The following STK32B variants were observed in gnomAD, a reference collection of about 807,000 sequenced individuals.
The protein encoded by STK32B is serine/threonine-protein kinase 32B.
STK32B carries 43 observed loss-of-function variants against 52.6 expected under a neutral mutation model. The observed-to-expected ratio is 0.82, with a 90% CI of 0.64 to 1.05. The LOEUF (loss-of-function observed/expected upper bound fraction) is 1.05. Ranked by LOEUF, STK32B falls within the 50% of genes least tolerant of loss-of-function variation. The probability of loss-of-function intolerance (pLI) is 0.00; values close to 1 mark genes in which losing one functional copy is unlikely to be tolerated. For synonymous variants in STK32B, 238 were observed against 204.3 expected (o/e 1.17, Z -1.41); for missense variants, 621 against 534.6 (o/e 1.16, Z -1.59).
At chr4:5,161,991 A>G (rs1718485340) in intron 2 of STK32B, among the ~76,000 whole-genome samples, 1 of 152,176 alleles carries the variant, frequency 6.6e-6, no homozygotes, top group Admixed American at 6.5e-5. Flanking sequence ...CAGCACAGAG[A>G]AGAACTAGCC....
At chr4:5,370,870 G>A (rs1735180344) in intron 4 of STK32B, among the ~76,000 whole-genome samples, 1 of 151,968 alleles carries the variant, frequency 6.6e-6, no homozygotes, top group Admixed American at 6.6e-5. Flanking sequence ...CTACTCAGGA[G>A]GCTGAGATGG....
chr4:5,475,138 G>A (rs992107814), intron 11 of STK32B, among the ~76,000 whole-genome samples: 1 of 152,126 alleles, frequency 6.6e-6, no homozygotes, highest in Non-Finnish European at 1.5e-5. Context: ...TTTAAAAAGT[G>A]TGGCCAGGCA....
At position 5,386,766 on chromosome 4, in the gene STK32B, G is replaced by A. The variant is rs533449589; in HGVS notation, c.435-11441G>A. Among the ~76,000 whole-genome samples the A allele has an allele frequency of 4.6e-5, 7 of 152,296 alleles. No individual in the cohort carries two copies. The highest frequency in any genetic ancestry group is 7.3e-5 in the Non-Finnish European group (5 of 68,032). The stretch of plus-strand genomic sequence containing the variant: ...CCCTCATCTGGAAAATGACCAGGTC[G>A]TTCCGGGTGGTGGCTGGACCCTCCA... On this transcript the variant is annotated intron_variant, in intron 4 of 11. Transcript: ENST00000282908. This position sits in a 1 kb window ranked among gnomAD's most constrained non-coding sequence, Gnocchi z 4.5.
intron 4 of STK32B, among the ~76,000 whole-genome samples, chr4:5,374,905 C>A (rs1735486365): frequency 6.6e-6 from 1 of 152,194 alleles, no homozygotes; most frequent in Non-Finnish European, 1.5e-5. Flanking sequence ...AATGTCTGTT[C>A]TTTCTTCCCT....
Position 5,143,723 on chromosome 4 carries a change from C to T in STK32B, c.108+3763C>T, listed in dbSNP as rs185608346. ...GGCACTCACACTATCCCTTAGAATT[C>T]CCTCCCTCCAAACTGGCCAGCATGA... On this transcript the variant is annotated intron_variant, in intron 2 of 11. Transcript: ENST00000282908. 5.9e-5 allele frequency among the ~76,000 whole-genome samples: 9 copies of T among 152,252 alleles called. No homozygotes were observed. In the East Asian group the frequency reaches 1.7e-3, roughly 29 times the overall value.
intron 5 of STK32B, among the ~76,000 whole-genome samples, chr4:5,411,096 T>G (rs1711630743): frequency 6.7e-6 from 1 of 150,352 alleles, no homozygotes; most frequent in Admixed American, 6.6e-5. Context: ...AGTGCAGTGG[T>G]GCTATCTCAG....
At chr4:5,267,949 G>T (rs1727161078) in intron 3 of STK32B, among the ~76,000 whole-genome samples, 1 of 152,204 alleles carries the variant, frequency 6.6e-6, no homozygotes, top group Admixed American at 6.5e-5. Context: ...CCGACTCTGA[G>T]AAGGGCTTGC....
chr4:5,040,838 C>T, the STK32B span, among the ~76,000 whole-genome samples: 3 of 152,156 alleles, frequency 2.0e-5, no homozygotes, highest in African/African-American at 4.8e-5. Flanking sequence ...CATGCCCAGG[C>T]TATGTGGTGT....
chr4:5,293,224 C>A (rs569349044), intron 3 of STK32B, among the ~76,000 whole-genome samples: 1 of 152,084 alleles, frequency 6.6e-6, no homozygotes, highest in South Asian at 2.1e-4. Flanking sequence ...CAAGTTTTTG[C>A]TATTGTAAAT....
intron 8 of STK32B, among the ~76,000 whole-genome samples, chr4:5,459,282 G>GCCCCCCCCCC (rs55688341): frequency 4.5e-5 from 6 of 133,042 alleles, no homozygotes; most frequent in Admixed American, 7.9e-5. Context: ...ACCCTGGTGT[G>GCCCCCCCCCC]CCCCCCCCCC....
intron 2 of STK32B, among the ~76,000 whole-genome samples, chr4:5,141,909 A>G (rs17732916): frequency 0.046 from 7,011 of 152,110 alleles, 220 homozygotes; most frequent in Non-Finnish European, 0.069. Flanking sequence ...ACATCTTCAC[A>G]CAACTGCTCC....
chr4:5,456,747 T>C (rs1716555762), intron 7 of STK32B, 60 bp from the exon 8 acceptor site: 3 of 1,385,162 alleles, frequency 2.2e-6, no homozygotes, highest in East Asian at 2.4e-5. Context: ...AATCTTAAAA[T>C]GCGGACGGTG....
intron 3 of STK32B, among the ~76,000 whole-genome samples, chr4:5,297,149 A>G (rs1318935198): frequency 2.0e-5 from 3 of 152,152 alleles, no homozygotes; most frequent in Non-Finnish European, 4.4e-5. Flanking sequence ...GATATCCGCT[A>G]TTAGTCTGAT....
chr4:5,099,539 G>A (rs999461943), intron 1 of STK32B, among the ~76,000 whole-genome samples: 2 of 152,128 alleles, frequency 1.3e-5, no homozygotes, highest in Non-Finnish European at 2.9e-5. Context: ...CCAGGAGTTA[G>A]GGGAAGGTCA....
At chr4:5,083,731 CTGT>C (rs1712559847) in intron 1 of STK32B, among the ~76,000 whole-genome samples, 1 of 146,656 alleles carries the variant, frequency 6.8e-6, no homozygotes, top group African/African-American at 2.5e-5. Context: ...GACTGCTCTT[CTGT>C]TACCTATTTT....
At chr4:5,228,286 G>T (rs1724009365) in intron 3 of STK32B, among the ~76,000 whole-genome samples, 1 of 152,154 alleles carries the variant, frequency 6.6e-6, no homozygotes, top group Non-Finnish European at 1.5e-5. Flanking sequence ...ATGAGCGATT[G>T]AGTCAGTCTT....
In STK32B at chr4:5,425,716, C is replaced by T. The variant is rs562038584; in HGVS notation, c.562+8782C>T. Among the ~76,000 whole-genome samples the T allele has an allele frequency of 3.9e-5, 6 of 152,230 alleles. No individual in the cohort carries two copies. In the East Asian group the frequency reaches 9.7e-4, roughly 25 times the overall value. On this transcript the variant is annotated intron_variant, in intron 6 of 11. Coordinates refer to ENST00000282908, the MANE Select transcript of STK32B (RefSeq NM_018401.3). ...TAGTGTATAGCTCTCTGAATTCAGA[C>T]AAACACATACAGTCATAGATAAACA...
chr4:5,328,086 CCTCT>C (rs1341417772), intron 3 of STK32B, among the ~76,000 whole-genome samples: 9 of 152,210 alleles, frequency 5.9e-5, no homozygotes, highest in Non-Finnish European at 1.3e-4. Flanking sequence ...AACTCCCTCA[CCTCT>C]CTCAGCATTC....
chr4:5,400,959 A>G lies in STK32B; in HGVS notation c.472+2715A>G, dbSNP rs1345139243. 2.6e-5 allele frequency among the ~76,000 whole-genome samples: 4 copies of G among 152,036 alleles called. No individual in the cohort carries two copies. Among genetic ancestry groups the G allele is most frequent in the African/African-American group, 7.2e-5 (3 of 41,386 alleles). ...GAGGTCGGGCAGAGGGGAGAGGGAA[A>G]GGTGTGTGCGGGGTTGTCTTAGAGG... On this transcript the variant is annotated intron_variant, in intron 5 of 11. Coordinates refer to ENST00000282908, the MANE Select transcript of STK32B (RefSeq NM_018401.3). This position sits in a 1 kb window ranked among gnomAD's most constrained non-coding sequence, Gnocchi z 6.1.
Sources: gnomAD v4.1 joint callset for allele counts (sites outside exome capture counted in the v4.1 genomes callset) on GRCh38, gnomAD v4.1.1 for gene constraint, Gnocchi (gnomAD v3.1) non-coding constraint, MANE v1.5 for transcripts, NCBI Gene and HGNC (gene_info 2026-07-23, HGNC 2026-07-21) for gene names.